PEBP4: variants seen among roughly 807,000 people sequenced by gnomAD.
The protein encoded by PEBP4 is phosphatidylethanolamine binding protein 4.
In PEBP4, 22 loss-of-function variants were observed where a neutral mutation model predicts 23.9. The observed-to-expected ratio is 0.92, with a 90% CI of 0.66 to 1.31. PEBP4 has a LOEUF of 1.31. PEBP4 is among the 40% of genes most tolerant of loss of function. The pLI is 0.00. For synonymous variants in PEBP4, 112 were observed against 99.3 expected (o/e 1.13, Z -0.76); for missense variants, 324 against 281.7 (o/e 1.15, Z -1.07).
At chr8:22,733,648 T>C (rs1402269648) in intron 4 of PEBP4, among the ~76,000 whole-genome samples, 2 of 151,934 alleles carry the variant, frequency 1.3e-5, no homozygotes, top group Non-Finnish European at 2.9e-5. Context: ...TATCCTTGAG[T>C]GAGGGAGAGG....
intron 3 of PEBP4, among the ~76,000 whole-genome samples, chr8:22,823,821 AATGG>A (rs939998086): frequency 1.3e-5 from 2 of 152,176 alleles, no homozygotes; most frequent in African/African-American, 4.8e-5. Flanking sequence ...TCAATAGAAA[AATGG>A]ATGAACAGCA....
chr8:22,780,750 C>T (rs1186771081), intron 4 of PEBP4, among the ~76,000 whole-genome samples: 1 of 152,222 alleles, frequency 6.6e-6, no homozygotes, highest in Non-Finnish European at 1.5e-5. Flanking sequence ...GATGGCTGGA[C>T]TCCTCCGATC....
intron 4 of PEBP4, among the ~76,000 whole-genome samples, chr8:22,759,731 G>T (rs546544655): frequency 1.3e-5 from 2 of 152,300 alleles, no homozygotes; most frequent in African/African-American, 2.4e-5. Context: ...TCCTCGAGAA[G>T]CCCCCATCAC....
intron 6 of PEBP4, among the ~76,000 whole-genome samples, chr8:22,715,235 C>T (rs924553281): frequency 2.0e-5 from 3 of 152,204 alleles, no homozygotes; most frequent in East Asian, 3.9e-4. Context: ...AAGCCTCTCC[C>T]GGTGGAGGTG....
intron 3 of PEBP4, among the ~76,000 whole-genome samples, chr8:22,909,437 G>A (rs1415485758): frequency 6.6e-6 from 1 of 152,138 alleles, no homozygotes; most frequent in Non-Finnish European, 1.5e-5. Context: ...CCTGATTTGT[G>A]CACACCACTG....
chr8:22,724,958 T>A lies in PEBP4; in HGVS notation c.404-2A>T. 1 of 1,608,668 alleles carries A rather than the reference T, an allele frequency of 6.2e-7. No individual in the cohort carries two copies. Among genetic ancestry groups the A allele is most frequent in the Non-Finnish European group, 8.5e-7 (1 of 1,175,368 alleles). On this transcript the variant is annotated splice_acceptor_variant, in intron 5 of 6. Coordinates refer to ENST00000256404, the MANE Select transcript of PEBP4 (RefSeq NM_144962.3). LOFTEE classifies it high-confidence loss of function. ...CCGGTGGGGAGGGAGCCTGGTAGGC[T>A]ATAGGTAGAAGCAGGAGAGAGGTGA...
intron 4 of PEBP4, among the ~76,000 whole-genome samples, chr8:22,786,548 T>C (rs1179463655): frequency 6.6e-6 from 1 of 151,882 alleles, no homozygotes; most frequent in East Asian, 1.9e-4. Flanking sequence ...CCTCCCAAAG[T>C]GCTGAGATTA....
At position 22,817,701 on chromosome 8, in the gene PEBP4, T is replaced by A. The variant is rs956073797; in HGVS notation, c.293A>T (p.Asp98Val). The change falls in exon 4 of 7, where the codon GAT becomes GTT. Residue 98 changes from aspartate to valine, a missense_variant. Asp to Val is a radical substitution (Grantham distance 152). Transcript: ENST00000256404. Reference protein sequence around the residue: ...ATYILVMVDPDAPSRAEPRQR... With the variant: ...ATYILVMVDPVAPSRAEPRQR... ...TCTGGGTTCTGCTCTGCTAGGGGCA[T>A]CTGGATCCACCATCACCAGGATATA... is the stretch of plus-strand genomic sequence containing the variant. The A allele has an allele frequency of 5.0e-6, 8 of 1,614,106 alleles. No individual in the cohort carries two copies. In the African/African-American group the frequency reaches 6.7e-5, roughly 13 times the overall value.
At chr8:22,814,421 G>A (rs1174779994) in intron 4 of PEBP4, among the ~76,000 whole-genome samples, 3 of 152,236 alleles carry the variant, frequency 2.0e-5, no homozygotes, top group Non-Finnish European at 4.4e-5. Flanking sequence ...CAAAGTTCCA[G>A]AGCTTTATCC....
intron 2 of PEBP4, among the ~76,000 whole-genome samples, chr8:22,921,917 C>G (rs913460979): frequency 2.0e-5 from 3 of 152,204 alleles, no homozygotes; most frequent in Non-Finnish European, 4.4e-5. Flanking sequence ...CAGCAAACAG[C>G]ACAGGATGGG....
At chr8:22,796,257 C>CAT (rs201069763) in intron 4 of PEBP4, among the ~76,000 whole-genome samples, 27,748 of 149,840 alleles carry the variant, frequency 0.19, 2,687 homozygotes, top group East Asian at 0.27. Context: ...CTCAAGTGTG[C>CAT]GTGTGTGTGT....
chr8:22,804,080 C>G (rs1391966045), intron 4 of PEBP4, among the ~76,000 whole-genome samples: 1 of 152,184 alleles, frequency 6.6e-6, no homozygotes, highest in African/African-American at 2.4e-5. Context: ...GCAGTCCCAG[C>G]ACTTTTTGGG....
chr8:22,909,218 G>T (rs142804252), intron 3 of PEBP4, among the ~76,000 whole-genome samples: 1 of 152,100 alleles, frequency 6.6e-6, no homozygotes, highest in Admixed American at 6.5e-5. Flanking sequence ...GGCGATCTCC[G>T]CCTACCCGCC....
intron 4 of PEBP4, among the ~76,000 whole-genome samples, chr8:22,782,164 G>T (rs1478260780): frequency 6.6e-6 from 1 of 152,172 alleles, no homozygotes; most frequent in Non-Finnish European, 1.5e-5. Context: ...GGTCTCTCGG[G>T]CTGGGTGCCA....
chr8:22,858,805 G>A (rs907384238), intron 3 of PEBP4, among the ~76,000 whole-genome samples: 1 of 152,052 alleles, frequency 6.6e-6, no homozygotes, highest in Non-Finnish European at 1.5e-5. Context: ...AAATTAGCTG[G>A]GCATGGTAGC....
chr8:22,805,959 GA>G (rs1806486576), intron 4 of PEBP4, among the ~76,000 whole-genome samples: 1 of 152,134 alleles, frequency 6.6e-6, no homozygotes, highest in African/African-American at 2.4e-5. Context: ...TCAATGGTCT[GA>G]AACCTTTACT....
At chr8:22,742,301 T>G (rs1204318948) in intron 4 of PEBP4, among the ~76,000 whole-genome samples, 1 of 152,216 alleles carries the variant, frequency 6.6e-6, no homozygotes, top group Non-Finnish European at 1.5e-5. Context: ...GTCCTTGCTG[T>G]GGGGTCTGGC....
intron 4 of PEBP4, among the ~76,000 whole-genome samples, chr8:22,777,921 C>A (rs909326911): frequency 6.6e-6 from 1 of 152,146 alleles, no homozygotes; most frequent in Non-Finnish European, 1.5e-5. Flanking sequence ...TTCGTTACAG[C>A]CCCCCTCCGC....
At position 22,881,686 on chromosome 8, in the gene PEBP4, C is replaced by A. The variant is rs191923597; in HGVS notation, c.258+38498G>T. Among the ~76,000 whole-genome samples the A allele has an allele frequency of 3.3e-5, 5 of 152,368 alleles. No individual in the cohort carries two copies. In the East Asian group the frequency reaches 9.6e-4, roughly 29 times the overall value. Reference sequence around the variant, plus strand: ...GAATAACTCCCCCTGGAATGAATCTCTGTTGCTGCCTGGATCACACTCAAG... The same window carrying A: ...GAATAACTCCCCCTGGAATGAATCTATGTTGCTGCCTGGATCACACTCAAG... On this transcript the variant is annotated intron_variant, in intron 3 of 6. Coordinates refer to ENST00000256404, the MANE Select transcript of PEBP4 (RefSeq NM_144962.3).
Sources: gnomAD v4.1 joint callset for allele counts (sites outside exome capture counted in the v4.1 genomes callset) on GRCh38, gnomAD v4.1.1 for gene constraint, MANE v1.5 for transcripts, NCBI Gene and HGNC (gene_info 2026-07-23, HGNC 2026-07-21) for gene names.